FAM110B: variants seen among roughly 807,000 people sequenced by gnomAD.
FAM110B encodes family with sequence similarity 110 member B.
A neutral mutation model predicts 20.4 loss-of-function variants in FAM110B; 6 were observed. That is an observed-to-expected ratio of 0.29 (90% CI 0.16 to 0.58). The LOEUF is 0.58. FAM110B is among the 20% of genes least tolerant of loss of function. The pLI, the probability that FAM110B is intolerant of heterozygous loss-of-function variation, is 0.90. For missense variants in FAM110B, 434 were observed against 498.2 expected, an observed-to-expected ratio of 0.87 and a Z score of 1.23; for synonymous variants, 226 against 214.1, an observed-to-expected ratio of 1.06 and a Z score of -0.49.
chr8:58,112,984 C>T (rs1362745313), intron 3 of FAM110B, among the ~76,000 whole-genome samples: 4 of 152,144 alleles, frequency 2.6e-5, no homozygotes, highest in East Asian at 1.9e-4. Flanking sequence ...AGTGAAGCCC[C>T]ACTTCTGGGC....
In FAM110B at chr8:58,147,263, A is replaced by G. The variant is rs1318182169; in HGVS notation, c.1033A>G (p.Ile345Val). The change falls in exon 4 of 4, where the codon ATC becomes GTC. Residue 345 changes from isoleucine to valine, a missense_variant. Physicochemically the swap from Ile to Val is conservative, Grantham distance 29. Coordinates refer to ENST00000519262, the MANE Select transcript of FAM110B (RefSeq NM_001377989.1). The stretch of plus-strand genomic sequence containing the variant: ...CCGCGTGCCGTATGGCATTTCTGCC[A>G]TCGAAAGAAATGCTAGAATCATCAA... The part of the protein sequence containing the change: ...NDRVPYGISA[I>V]ERNARIIKWL... 2.5e-6 allele frequency: 4 copies of G among 1,614,170 alleles called. No individual in the cohort carries two copies. Among genetic ancestry groups the G allele is most frequent in the Non-Finnish European group, 3.4e-6 (4 of 1,180,030 alleles).
chr8:58,012,657 G>A (rs895451388), intron 1 of FAM110B, among the ~76,000 whole-genome samples: 1 of 152,226 alleles, frequency 6.6e-6, no homozygotes, highest in Non-Finnish European at 1.5e-5. Context: ...TGTGGTGGCA[G>A]ACAGCCCTTT....
chr8:58,087,792 G>A (rs948993788), intron 3 of FAM110B, among the ~76,000 whole-genome samples: 1 of 152,118 alleles, frequency 6.6e-6, no homozygotes, highest in African/African-American at 2.4e-5. Flanking sequence ...GAAAGCTTCT[G>A]TAGTAAGAAA....
chr8:58,045,545 G>A (rs1164362758), intron 2 of FAM110B, among the ~76,000 whole-genome samples: 1 of 151,990 alleles, frequency 6.6e-6, no homozygotes, highest in Non-Finnish European at 1.5e-5. Flanking sequence ...TTTTAATATT[G>A]TACTTATTTT....
rs58388044 is a variant in FAM110B at position 58,148,139 on chromosome 8, T to TAAAAA, written c.*805_*809dup. The TAAAAA allele has an allele frequency of 7.1e-6, 1 of 140,056 alleles. No homozygotes were observed. Among genetic ancestry groups the TAAAAA allele is most frequent in the African/African-American group, 3.0e-5 (1 of 33,632 alleles). 8.7% of individuals were successfully genotyped at this position (140,056 alleles called of 1,614,324 possible). A position where few individuals can be genotyped will look rare whatever the true frequency, so the allele number is the denominator to read the frequency against. On this transcript the variant is annotated 3_prime_UTR_variant, in exon 4 of 4. Transcript: ENST00000519262. Reference sequence around the variant, plus strand: ...CCCTAAAACAAATACTGAATGCCTTTAAAAAAAAAAAAAGTTGTGGTTTTT... The same window carrying TAAAAA: ...CCCTAAAACAAATACTGAATGCCTTTAAAAAAAAAAAAAAAAAAGTTGTGGTTTTT...
At chr8:58,075,273 T>TGTGTCTGTGTGTGTGTGTGTGTGTG (rs58047108) in intron 2 of FAM110B, among the ~76,000 whole-genome samples, 1 of 144,974 alleles carries the variant, frequency 6.9e-6, no homozygotes, top group African/African-American at 2.8e-5. Flanking sequence ...TTTTTTTTTT[T>TGTGTCTGTGTGTGTGTGTGTGTGTG]TTTGTGTGTG....
chr8:58,082,421 G>A (rs1413845335), intron 3 of FAM110B, among the ~76,000 whole-genome samples: 2 of 152,178 alleles, frequency 1.3e-5, no homozygotes, highest in Non-Finnish European at 2.9e-5. Context: ...TCCCTCCCAT[G>A]TTGGCTTCTT....
In FAM110B at chr8:58,146,113, C is replaced by G; in HGVS notation, c.-118C>G. 1 of 1,213,570 alleles carries G rather than the reference C, an allele frequency of 8.2e-7. No homozygotes were observed. The allele number at this position is 1,213,570 out of a possible 1,614,324, so 75.2% of individuals were successfully genotyped here. ...GCGCTGCTGCGGCCGCTGCTGCTGA[C>G]ACTCGCTCCCAGGCTGCACCCGCCG... On this transcript the variant is annotated 5_prime_UTR_variant, in exon 4 of 4. Transcript: ENST00000519262.
chr8:58,021,356 A>G (rs1804749295), intron 1 of FAM110B, among the ~76,000 whole-genome samples: 1 of 152,194 alleles, frequency 6.6e-6, no homozygotes, highest in Non-Finnish European at 1.5e-5. Context: ...GCAGTAAAAA[A>G]ATTAATAAAT....
chr8:58,108,926 C>T (rs1323129792), intron 3 of FAM110B, among the ~76,000 whole-genome samples: 1 of 152,186 alleles, frequency 6.6e-6, no homozygotes, highest in Non-Finnish European at 1.5e-5. Flanking sequence ...ATGTACAAGG[C>T]ATTTGACAAG....
intron 3 of FAM110B, among the ~76,000 whole-genome samples, chr8:58,144,763 G>A (rs1803819729): frequency 6.6e-6 from 1 of 152,236 alleles, no homozygotes; most frequent in African/African-American, 2.4e-5. Context: ...TTGGAGTGCT[G>A]ATGCATTTGT....
At chr8:58,058,311 A>C (rs998222785) in intron 2 of FAM110B, among the ~76,000 whole-genome samples, 1 of 147,552 alleles carries the variant, frequency 6.8e-6, no homozygotes, top group African/African-American at 2.5e-5. Context: ...CTGTGAGTTT[A>C]AGAACGATAT....
chr8:58,092,003 A>T (rs1312762085), intron 3 of FAM110B, among the ~76,000 whole-genome samples: 1 of 152,236 alleles, frequency 6.6e-6, no homozygotes, highest in Non-Finnish European at 1.5e-5. Context: ...GACTCTTCTC[A>T]TCTGGAAAGG....
intron 3 of FAM110B, among the ~76,000 whole-genome samples, chr8:58,109,089 G>A (rs13271022): frequency 0.27 from 40,350 of 152,008 alleles, 6,375 homozygotes; most frequent in African/African-American, 0.45. Context: ...ACAGCACGTC[G>A]CACATTGTGT....
At chr8:58,092,695 G>A (rs1806512667) in intron 3 of FAM110B, among the ~76,000 whole-genome samples, 1 of 152,160 alleles carries the variant, frequency 6.6e-6, no homozygotes, top group Non-Finnish European at 1.5e-5. Context: ...GAACGTGGTT[G>A]CAACACACAT....
Position 58,014,785 on chromosome 8 carries a change from A to G in FAM110B, c.-511-16821A>G, listed in dbSNP as rs1804605477. Among the ~76,000 whole-genome samples, 3 of 151,796 alleles carry G rather than the reference A, an allele frequency of 2.0e-5. No homozygotes were observed. The South Asian group carries it at 6.2e-4, about 32-fold the overall frequency. Reference sequence around the variant, plus strand: ...GTTTTGGGGTTATCGTTTATTAAACATTTTGGACATCTGGAAGCAAACCTA... The same window carrying G: ...GTTTTGGGGTTATCGTTTATTAAACGTTTTGGACATCTGGAAGCAAACCTA... On this transcript the variant is annotated intron_variant, in intron 1 of 3. Coordinates refer to ENST00000519262, the MANE Select transcript of FAM110B (RefSeq NM_001377989.1).
chr8:58,045,013 G>A (rs887547151), intron 2 of FAM110B, among the ~76,000 whole-genome samples: 1 of 152,200 alleles, frequency 6.6e-6, no homozygotes, highest in African/African-American at 2.4e-5. Context: ...TTAGGTAAAA[G>A]TCAATGCTTA....
chr8:58,057,919 T>C (rs929189001), intron 2 of FAM110B, among the ~76,000 whole-genome samples: 4 of 152,248 alleles, frequency 2.6e-5, no homozygotes, highest in Admixed American at 2.6e-4. Context: ...TGCTTCCTCC[T>C]GCAGTCCACA....
chr8:58,128,376 C>G (rs1466573598), intron 3 of FAM110B, among the ~76,000 whole-genome samples: 1 of 152,152 alleles, frequency 6.6e-6, no homozygotes, highest in Non-Finnish European at 1.5e-5. Flanking sequence ...ACATCAAGTG[C>G]TCTCAGAGAA....
Sources: allele counts gnomAD v4.1 joint callset (sites outside exome capture counted in the v4.1 genomes callset), GRCh38; gene constraint gnomAD v4.1.1; transcripts MANE v1.5; gene names NCBI Gene and HGNC (gene_info 2026-07-23, HGNC 2026-07-21).